RANBP2: variants seen among roughly 807,000 people sequenced by gnomAD.
RANBP2 encodes the protein E3 SUMO-protein ligase RanBP2.
A neutral mutation model predicts 303.6 loss-of-function variants in RANBP2; 57 were observed. That is an observed-to-expected ratio of 0.19 (90% CI 0.15 to 0.23). The LOEUF is 0.23. RANBP2 is among the 10% of genes least tolerant of loss of function. The pLI is 1.00. For missense variants in RANBP2, 3,138 were observed against 3,780.8 expected, an observed-to-expected ratio of 0.83 and a Z score of 4.46; for synonymous variants, 1,167 against 1,301.5, an observed-to-expected ratio of 0.90 and a Z score of 2.23.
chr2:109,209,293 G>A, the RANBP2 span, among the ~76,000 whole-genome samples: 4 of 152,248 alleles, frequency 2.6e-5, no homozygotes, highest in East Asian at 5.8e-4. Flanking sequence ...GGTCCTGCGC[G>A]GGTGATTTTG....
the RANBP2 span, among the ~76,000 whole-genome samples, chr2:109,014,652 T>C: frequency 1.3e-5 from 2 of 152,204 alleles, no homozygotes; most frequent in African/African-American, 4.8e-5. Flanking sequence ...GCCTGGAGCC[T>C]GTGTGGGCCT....
the RANBP2 span, among the ~76,000 whole-genome samples, chr2:109,239,616 C>T: frequency 6.6e-6 from 1 of 152,110 alleles, no homozygotes; most frequent in East Asian, 1.9e-4. Context: ...CAGGCGTGAT[C>T]ATCCAGGATA....
At chr2:108,984,473 C>T in the RANBP2 span, among the ~76,000 whole-genome samples, 3 of 152,112 alleles carry the variant, frequency 2.0e-5, no homozygotes, top group African/African-American at 7.2e-5. Flanking sequence ...CTCTCCTCTC[C>T]TTCTGTTCAA....
chr2:108,753,476 A>G lies in RANBP2; in HGVS notation c.1968A>G (p.Ile656Met), dbSNP rs748053086. Reference protein sequence around the residue: ...YEEDAHITFAILDAVNGNIED... With the variant: ...YEEDAHITFAMLDAVNGNIED... Reference sequence around the variant, plus strand: ...AAGACGCACACATAACTTTTGCTATATTGGATGCAGTAAATGGAAATATAG... The same window carrying G: ...AAGACGCACACATAACTTTTGCTATGTTGGATGCAGTAAATGGAAATATAG... The change falls in exon 14 of 29, where the codon ATA becomes ATG. Residue 656 changes from isoleucine (I) to methionine (M), a missense_variant. By Grantham distance (10) the Ile-to-Met change is conservative. This residue lies in a region of RANBP2 where 162 missense variants were observed against 286.9 expected (regional missense o/e 0.56). Transcript: ENST00000283195. The G allele has an allele frequency of 3.1e-6, 5 of 1,611,812 alleles. No individual in the cohort carries two copies. In the East Asian group the frequency reaches 8.9e-5, roughly 29 times the overall value.
At chr2:109,048,967 A>G in the RANBP2 span, among the ~76,000 whole-genome samples, 1 of 152,240 alleles carries the variant, frequency 6.6e-6, no homozygotes, top group Non-Finnish European at 1.5e-5. Context: ...TGAACAGTTC[A>G]CAGTCTTCTC....
the RANBP2 span, among the ~76,000 whole-genome samples, chr2:109,402,881 G>A: frequency 6.6e-6 from 1 of 152,164 alleles, no homozygotes; most frequent in Admixed American, 6.5e-5. Flanking sequence ...ACTGGGTTCT[G>A]TAGAAAGGTC....
At chr2:109,353,314 C>T in the RANBP2 span, among the ~76,000 whole-genome samples, 5 of 152,228 alleles carry the variant, frequency 3.3e-5, no homozygotes, top group African/African-American at 1.2e-4. Context: ...CCTGGGTGCC[C>T]CCACACATTT....
chr2:109,726,058 GGTGTGTGT>G, the RANBP2 span, among the ~76,000 whole-genome samples: 283 of 137,098 alleles, frequency 2.1e-3, 2 homozygotes, highest in African/African-American at 2.7e-3. Flanking sequence ...TTTTGCTTTT[GGTGTGTGT>G]GTGTGTGTGT....
At chr2:109,241,193 A>G in the RANBP2 span, among the ~76,000 whole-genome samples, 33 of 152,192 alleles carry the variant, frequency 2.2e-4, no homozygotes, top group African/African-American at 7.5e-4. Context: ...CATACCTCAA[A>G]ACAAAAACTC....
chr2:108,942,554 C>T, the RANBP2 span, among the ~76,000 whole-genome samples: 2 of 152,264 alleles, frequency 1.3e-5, no homozygotes, highest in African/African-American at 2.4e-5. Context: ...CCGTCTCCCT[C>T]CCGTTCTAGA....
At chr2:109,154,444 G>A in the RANBP2 span, among the ~76,000 whole-genome samples, 2 of 152,304 alleles carry the variant, frequency 1.3e-5, no homozygotes, top group Non-Finnish European at 2.9e-5. Flanking sequence ...AGCATCATGG[G>A]CACGGCTCCT....
At chr2:109,643,704 G>A in the RANBP2 span, among the ~76,000 whole-genome samples, 1 of 151,462 alleles carries the variant, frequency 6.6e-6, no homozygotes, top group Non-Finnish European at 1.5e-5. Flanking sequence ...GGTGGAGGTT[G>A]CAGTGAACTG....
the RANBP2 span, chr2:109,615,538 T>C: frequency 6.2e-7 from 1 of 1,613,942 alleles, no homozygotes; most frequent in Non-Finnish European, 8.5e-7. Context: ...TTGGCAGCCA[T>C]GCACGGCCAC....
the RANBP2 span, among the ~76,000 whole-genome samples, chr2:109,352,192 A>G: frequency 1.1e-4 from 17 of 152,178 alleles, no homozygotes; most frequent in Admixed American, 2.0e-4. Flanking sequence ...TCCAATAAAT[A>G]TTTGCTGTCT....
chr2:109,673,966 G>A, the RANBP2 span, among the ~76,000 whole-genome samples: 234 of 152,204 alleles, frequency 1.5e-3, no homozygotes, highest in Admixed American at 3.7e-3. Context: ...TAATGAGGTT[G>A]AGCACCTTTC....
the RANBP2 span, among the ~76,000 whole-genome samples, chr2:108,856,435 G>C: frequency 6.6e-6 from 1 of 152,174 alleles, no homozygotes; most frequent in South Asian, 2.1e-4. Context: ...AGCTATTATA[G>C]AGATAGAAAT....
At chr2:109,416,076 C>T in the RANBP2 span, among the ~76,000 whole-genome samples, 6 of 152,198 alleles carry the variant, frequency 3.9e-5, no homozygotes, top group Non-Finnish European at 7.3e-5. Flanking sequence ...GGCCATGCAG[C>T]ATCGCACTTC....
the RANBP2 span, among the ~76,000 whole-genome samples, chr2:109,691,321 C>T: frequency 6.5e-3 from 991 of 152,246 alleles, 15 homozygotes; most frequent in African/African-American, 0.022. Flanking sequence ...TCGGTCTAAA[C>T]GTGGGGACAT....
At chr2:109,558,939 G>A in the RANBP2 span, among the ~76,000 whole-genome samples, 1 of 151,614 alleles carries the variant, frequency 6.6e-6, no homozygotes, top group African/African-American at 2.4e-5. Context: ...AGGCTGGAGT[G>A]CAGTGGTGCG....
Sources: gnomAD v4.1 joint callset for allele counts (sites outside exome capture counted in the v4.1 genomes callset) on GRCh38, gnomAD v4.1.1 for gene constraint, gnomAD v4.1.1 regional missense constraint, MANE v1.5 for transcripts, NCBI Gene and HGNC (gene_info 2026-07-23, HGNC 2026-07-21) for gene names.